Variants in ETS1 observed in about 807,000 individuals in gnomAD.
ETS1 encodes protein C-ets-1.
Under a neutral mutation model 58.6 loss-of-function variants are expected in ETS1, and 15 were observed. That is an observed-to-expected ratio of 0.26 (90% CI 0.17 to 0.39). The LOEUF is 0.39. ETS1 is among the 10% of genes least tolerant of loss of function. ETS1 has a pLI of 1.00. For missense variants in ETS1, 417 were observed against 610.5 expected (o/e 0.68, Z 3.34); for synonymous variants, 214 against 218.2 (o/e 0.98, Z 0.17).
chr11:128,530,413 G>A (rs936181081), intron 3 of ETS1: 6 of 152,220 alleles, frequency 3.9e-5, no homozygotes, highest in Non-Finnish European at 8.8e-5. Context: ...CGTGTAAGAG[G>A]GCGCCATTTA....
At chr11:128,544,317 G>T (rs1456249759) in intron 3 of ETS1, among the ~76,000 whole-genome samples, 1 of 135,616 alleles carries the variant, frequency 7.4e-6, no homozygotes, top group African/African-American at 2.7e-5. Flanking sequence ...AAGGGCAGAT[G>T]AAAAAGTGAT....
At chr11:128,502,512 A>G (rs1863117745) in intron 3 of ETS1, among the ~76,000 whole-genome samples, 1 of 152,222 alleles carries the variant, frequency 6.6e-6, no homozygotes, top group African/African-American at 2.4e-5. Flanking sequence ...AGCACTATAA[A>G]GGAGCTTTTC....
At chr11:128,507,688 G>A (rs2135493588) in intron 3 of ETS1, among the ~76,000 whole-genome samples, 1 of 152,304 alleles carries the variant, frequency 6.6e-6, no homozygotes, top group South Asian at 2.1e-4. Context: ...GACATCTGTG[G>A]CAAAGAAGGA....
At chr11:128,489,948 G>C (rs1485912298) in intron 4 of ETS1, among the ~76,000 whole-genome samples, 1 of 152,156 alleles carries the variant, frequency 6.6e-6, no homozygotes, top group African/African-American at 2.4e-5. Context: ...AATTATAGTG[G>C]TAACAATTGT....
intron 3 of ETS1, among the ~76,000 whole-genome samples, chr11:128,520,875 A>G (rs1863649191): frequency 6.6e-6 from 1 of 152,242 alleles, no homozygotes; most frequent in South Asian, 2.1e-4. Flanking sequence ...TGTTAACCAC[A>G]GGGGGCAGCA....
chr11:128,520,402 C>A (rs1863634448), intron 3 of ETS1, among the ~76,000 whole-genome samples: 1 of 152,142 alleles, frequency 6.6e-6, no homozygotes, highest in African/African-American at 2.4e-5. Context: ...CCCATAAACA[C>A]CCATAACAAC....
intron 2 of ETS1, among the ~76,000 whole-genome samples, chr11:128,561,524 G>A (rs1025744353): frequency 7.2e-5 from 11 of 152,232 alleles, no homozygotes; most frequent in South Asian, 4.1e-4. Context: ...CACCCCATGT[G>A]GATGCCTCAC....
chr11:128,515,524 T>C (rs1863499777), intron 3 of ETS1, among the ~76,000 whole-genome samples: 1 of 152,210 alleles, frequency 6.6e-6, no homozygotes, highest in Non-Finnish European at 1.5e-5. Context: ...CTTACTTAGA[T>C]GGTCTAAACC....
intron 3 of ETS1, among the ~76,000 whole-genome samples, chr11:128,524,698 T>C (rs1863766731): frequency 6.6e-6 from 1 of 152,216 alleles, no homozygotes; most frequent in Admixed American, 6.5e-5. Context: ...CGCTAAAACA[T>C]TGATGCCTAG....
At chr11:128,556,815 A>G (rs750449159) in intron 2 of ETS1, among the ~76,000 whole-genome samples, 3 of 152,198 alleles carry the variant, frequency 2.0e-5, no homozygotes, top group African/African-American at 4.8e-5. Flanking sequence ...GGATATTCTT[A>G]CAAGGCTTAC....
intron 3 of ETS1, among the ~76,000 whole-genome samples, chr11:128,523,689 G>C (rs1252277275): frequency 6.6e-6 from 1 of 152,164 alleles, no homozygotes; most frequent in African/African-American, 2.4e-5. Flanking sequence ...TGTGGCTCCT[G>C]GTCTAAACTC....
chr11:128,523,354 A>C (rs755431785), intron 3 of ETS1, among the ~76,000 whole-genome samples: 35 of 152,240 alleles, frequency 2.3e-4, no homozygotes, highest in Non-Finnish European at 4.7e-4. Context: ...TGTAATAGAG[A>C]TAGTTTGTCC....
At chr11:128,570,232 C>G (rs1591670497) in intron 2 of ETS1, among the ~76,000 whole-genome samples, 1 of 141,100 alleles carries the variant, frequency 7.1e-6, no homozygotes. Context: ...CTTTCTTTTT[C>G]TTTTCCTTTT....
At chr11:128,566,559 A>G (rs201882961) in intron 2 of ETS1, among the ~76,000 whole-genome samples, 61 of 152,288 alleles carry the variant, frequency 4.0e-4, no homozygotes, top group South Asian at 3.9e-3. Context: ...TAAGGTGGGC[A>G]GATCACGAGG....
intron 3 of ETS1, among the ~76,000 whole-genome samples, chr11:128,544,505 T>G (rs1864103843): frequency 6.6e-6 from 1 of 151,834 alleles, no homozygotes. Context: ...CTTCTCCCAG[T>G]TCTGCTCAAA....
At chr11:128,506,190 G>A (rs1863226073) in intron 3 of ETS1, among the ~76,000 whole-genome samples, 1 of 152,164 alleles carries the variant, frequency 6.6e-6, no homozygotes, top group South Asian at 2.1e-4. Context: ...AAACATTCTG[G>A]AATTAGACGT....
intron 4 of ETS1, among the ~76,000 whole-genome samples, chr11:128,489,702 A>G (rs1862743666): frequency 6.6e-6 from 1 of 152,126 alleles, no homozygotes; most frequent in South Asian, 2.1e-4. Flanking sequence ...TTCACCAGCT[A>G]GGAGGTCACT....
At chr11:128,570,098 C>T (rs1750070353) in intron 2 of ETS1, among the ~76,000 whole-genome samples, 1 of 152,068 alleles carries the variant, frequency 6.6e-6, no homozygotes, top group African/African-American at 2.4e-5. Context: ...TTTTTATTCT[C>T]CCACAATTTT....
At chr11:128,548,708 C>A (rs1864177563) in intron 3 of ETS1, among the ~76,000 whole-genome samples, 1 of 152,254 alleles carries the variant, frequency 6.6e-6, no homozygotes. Context: ...CACGCCCGTC[C>A]TCTCCTCCCT....
Sources: allele counts gnomAD v4.1 joint callset (sites outside exome capture counted in the v4.1 genomes callset), GRCh38; gene constraint gnomAD v4.1.1; transcripts MANE v1.5; gene names NCBI Gene and HGNC (gene_info 2026-07-23, HGNC 2026-07-21).